Variants in JPH3 observed in about 807,000 individuals in gnomAD.
The protein encoded by JPH3 is junctophilin-3.
A neutral mutation model predicts 59.6 loss-of-function variants in JPH3; 11 were observed. The ratio of observed to expected loss-of-function variants is 0.18; its 90% CI spans 0.12 to 0.31. The LOEUF is 0.31. Among genes scored for constraint, JPH3 ranks in the 10% least tolerant of loss-of-function variants. The pLI is 1.00. For synonymous variants in JPH3, 673 were observed against 483.6 expected (o/e 1.39, Z -5.14); for missense variants, 1,202 against 1,105.7 (o/e 1.09, Z -1.24).
intron 1 of JPH3, among the ~76,000 whole-genome samples, chr16:87,639,538 T>C (rs2031869043): frequency 6.6e-6 from 1 of 152,030 alleles, no homozygotes; most frequent in African/African-American, 2.4e-5. Context: ...AACTTTTCCA[T>C]CTCCAGAACT....
intron 4 of JPH3, 39 bp from the exon 5 acceptor site, chr16:87,696,541 C>G: frequency 3.2e-6 from 5 of 1,570,104 alleles, no homozygotes; most frequent in Non-Finnish European, 4.4e-6. Context: ...CAGAGCCCCC[C>G]GCAGCTGTCG....
chr16:87,653,249 C>T (rs1014829149), intron 2 of JPH3, among the ~76,000 whole-genome samples: 31 of 152,204 alleles, frequency 2.0e-4, no homozygotes, highest in African/African-American at 7.5e-4. Flanking sequence ...AAGGGGCTTC[C>T]AGATCCCTTT....
At chr16:87,665,419 C>G (rs1465944089) in intron 2 of JPH3, among the ~76,000 whole-genome samples, 1 of 152,236 alleles carries the variant, frequency 6.6e-6, no homozygotes, top group African/African-American at 2.4e-5. Flanking sequence ...GACCCCGGAC[C>G]CCGCACTTTG....
chr16:87,682,163 T>C (rs1303490756), intron 2 of JPH3, among the ~76,000 whole-genome samples: 3 of 152,232 alleles, frequency 2.0e-5, no homozygotes, highest in African/African-American at 7.2e-5. Flanking sequence ...CTTCATTTCC[T>C]GGACACGTGT....
chr16:87,653,091 C>T (rs2032378650), intron 2 of JPH3, among the ~76,000 whole-genome samples: 1 of 152,170 alleles, frequency 6.6e-6, no homozygotes, highest in Admixed American at 6.5e-5. Context: ...GAATTCTCAC[C>T]CAGGCCTCTG....
At chr16:87,642,423 G>T (rs1250557585) in intron 1 of JPH3, among the ~76,000 whole-genome samples, 2 of 152,226 alleles carry the variant, frequency 1.3e-5, no homozygotes, top group African/African-American at 4.8e-5. Context: ...TCATTTTTCA[G>T]GAGACAGAAG....
intron 2 of JPH3, among the ~76,000 whole-genome samples, chr16:87,668,015 A>C (rs1271950447): frequency 6.6e-6 from 1 of 152,046 alleles, no homozygotes; most frequent in Admixed American, 6.5e-5. Context: ...GGCTTCAGAA[A>C]CTTATCTTCT....
intron 2 of JPH3, among the ~76,000 whole-genome samples, chr16:87,659,798 C>T (rs2032642605): frequency 6.6e-6 from 1 of 152,156 alleles, no homozygotes; most frequent in Non-Finnish European, 1.5e-5. Context: ...GCATGTGGTG[C>T]AACCATGACC....
At chr16:87,643,675 C>G (rs993972227) in intron 1 of JPH3, among the ~76,000 whole-genome samples, 1 of 152,216 alleles carries the variant, frequency 6.6e-6, no homozygotes, top group Non-Finnish European at 1.5e-5. Flanking sequence ...GGTCCTCACT[C>G]TGCACCACAG....
intron 4 of JPH3, among the ~76,000 whole-genome samples, chr16:87,691,387 T>C (rs376265588): frequency 1.3e-5 from 2 of 152,344 alleles, no homozygotes. Context: ...CTCTGCTCGC[T>C]CGTGGCTGCC....
chr16:87,697,974 G>A lies in JPH3; in HGVS notation c.*1314G>A, dbSNP rs1437790904. On this transcript the variant is annotated 3_prime_UTR_variant, in exon 5 of 5. Coordinates refer to ENST00000284262, the MANE Select transcript of JPH3 (RefSeq NM_020655.4). ...TACGCAGGACCCCTGTGCCCGGGGAGGCGCTGCAGGGATTCCCCATCCGGT... is the reference window on the plus strand; with the variant it reads ...TACGCAGGACCCCTGTGCCCGGGGAAGCGCTGCAGGGATTCCCCATCCGGT... 1 of 152,602 alleles carries A rather than the reference G, an allele frequency of 6.6e-6. No individual in the cohort carries two copies. The allele number at this position is 152,602 out of a possible 1,614,324, so 9.5% of individuals were successfully genotyped here.
intron 1 of JPH3, among the ~76,000 whole-genome samples, chr16:87,635,744 G>A (rs1412742986): frequency 6.6e-6 from 1 of 152,160 alleles, no homozygotes; most frequent in Non-Finnish European, 1.5e-5. Flanking sequence ...CACGGGCAAG[G>A]TTTAGGGGGT....
At chr16:87,613,527 G>A (rs1046540535) in intron 1 of JPH3, among the ~76,000 whole-genome samples, 1 of 152,090 alleles carries the variant, frequency 6.6e-6, no homozygotes, top group Non-Finnish European at 1.5e-5. Flanking sequence ...CACCATGTTG[G>A]CCAGACTGGT....
At chr16:87,607,337 G>A (rs1317430213) in intron 1 of JPH3, among the ~76,000 whole-genome samples, 1 of 152,066 alleles carries the variant, frequency 6.6e-6, no homozygotes, top group Non-Finnish European at 1.5e-5. Context: ...GTCATCTCAC[G>A]CCCAAGCCTC....
intron 2 of JPH3, among the ~76,000 whole-genome samples, chr16:87,674,948 A>G (rs1474481483): frequency 1.3e-5 from 2 of 151,786 alleles, no homozygotes; most frequent in African/African-American, 2.4e-5. Context: ...TTTAGTAGAG[A>G]TGGGGGTTTC....
intron 1 of JPH3, chr16:87,604,452 A>C (rs2030430124): frequency 7.3e-7 from 1 of 1,375,700 alleles, no homozygotes; most frequent in Non-Finnish European, 9.6e-7. Context: ...TGGAAGCCAG[A>C]CCCCAAACAA....
At chr16:87,693,158 G>C (rs2033651601) in intron 4 of JPH3, among the ~76,000 whole-genome samples, 1 of 152,232 alleles carries the variant, frequency 6.6e-6, no homozygotes, top group Non-Finnish European at 1.5e-5. Flanking sequence ...CTGAGTGGAG[G>C]CCCTTGCTGT....
chr16:87,623,894 C>T (rs927500666), intron 1 of JPH3, among the ~76,000 whole-genome samples: 4 of 152,248 alleles, frequency 2.6e-5, no homozygotes, highest in African/African-American at 4.8e-5. Flanking sequence ...GGAAGATCCT[C>T]CTCCTTTGAG....
chr16:87,608,109 G>A (rs571672992), intron 1 of JPH3, among the ~76,000 whole-genome samples: 3 of 152,382 alleles, frequency 2.0e-5, no homozygotes, highest in South Asian at 4.1e-4. Flanking sequence ...CTACAGCAGC[G>A]ATCTGGAGTA....
Sources: gnomAD v4.1 joint callset for allele counts (sites outside exome capture counted in the v4.1 genomes callset) on GRCh38, gnomAD v4.1.1 for gene constraint, MANE v1.5 for transcripts, NCBI Gene and HGNC (gene_info 2026-07-23, HGNC 2026-07-21) for gene names.